The following PDS5B variants were observed in gnomAD, a reference collection of about 807,000 sequenced individuals.
PDS5B encodes PDS5 cohesin associated factor B, also known as sister chromatid cohesion protein PDS5 homolog B.
Under a neutral mutation model 184.1 loss-of-function variants are expected in PDS5B, and 51 were observed. That is an observed-to-expected ratio of 0.28 (90% CI 0.22 to 0.35). PDS5B has a LOEUF of 0.35. PDS5B is among the 10% of genes least tolerant of loss of function. PDS5B has a pLI of 1.00. For synonymous variants in PDS5B, 566 were observed against 569.2 expected, an observed-to-expected ratio of 0.99 and a Z score of 0.08; for missense variants, 1,180 against 1,723.3, an observed-to-expected ratio of 0.68 and a Z score of 5.58.
At chr13:32,768,947 C>CAAAAAAAAAA (rs770324221) in intron 31 of PDS5B, among the ~76,000 whole-genome samples, 1,004 of 84,094 alleles carry the variant, frequency 0.012, no homozygotes, top group Non-Finnish European at 0.016. Flanking sequence ...TAAAAAAATA[C>CAAAAAAAAAA]AAAAAAAAAA....
rs919668288 is a variant in PDS5B at position 32,746,113 on chromosome 13, C to T, written c.2736+13C>T. 3.7e-6 allele frequency: 6 copies of T among 1,604,012 alleles called. No individual in the cohort carries two copies. Among genetic ancestry groups the T allele is most frequent in the Non-Finnish European group, 5.1e-6 (6 of 1,173,698 alleles). On this transcript the variant is annotated intron_variant, in intron 24 of 34. Coordinates refer to ENST00000315596, the MANE Select transcript of PDS5B (RefSeq NM_015032.4). ...ATTAGCTATCAACGTAAGGAAATGG[C>T]TGTGTACAACTACTTTTTGAAGGTC...
chr13:32,742,766 A>C (rs1342568390), intron 23 of PDS5B, 39 bp downstream of exon 23: 1 of 1,574,272 alleles, frequency 6.4e-7, no homozygotes, highest in Non-Finnish European at 8.7e-7. Flanking sequence ...GGATTGCATA[A>C]TATTTCAGCT....
intron 3 of PDS5B, among the ~76,000 whole-genome samples, chr13:32,656,424 G>A (rs1274724485): frequency 6.6e-6 from 1 of 151,656 alleles, no homozygotes; most frequent in African/African-American, 2.4e-5. Flanking sequence ...AATTGCTTTG[G>A]ACAGCATGGC....
At chr13:32,744,426 T>G (rs1431935896) in intron 23 of PDS5B, among the ~76,000 whole-genome samples, 2 of 152,170 alleles carry the variant, frequency 1.3e-5, no homozygotes, top group South Asian at 2.1e-4. Flanking sequence ...CTCTGTCCTT[T>G]CCTTAAGTGG....
At chr13:32,684,996 C>T (rs150617081) in intron 11 of PDS5B, among the ~76,000 whole-genome samples, 2,746 of 152,208 alleles carry the variant, frequency 0.018, 34 homozygotes, top group Non-Finnish European at 0.03. Flanking sequence ...GCCTGTAGTC[C>T]CAGCTACTCG....
At chr13:32,743,523 C>T (rs1286406568) in intron 23 of PDS5B, among the ~76,000 whole-genome samples, 1 of 152,080 alleles carries the variant, frequency 6.6e-6, no homozygotes, top group Non-Finnish European at 1.5e-5. Context: ...TTTGGTGCCC[C>T]TCCTTGGTAA....
chr13:32,607,573 A>G (rs557078488), intron 1 of PDS5B, among the ~76,000 whole-genome samples: 2 of 152,114 alleles, frequency 1.3e-5, no homozygotes, highest in African/African-American at 4.8e-5. Flanking sequence ...GAGAACCACT[A>G]CTCTCTTCAA....
intron 25 of PDS5B, among the ~76,000 whole-genome samples, chr13:32,755,337 T>C (rs1231085270): frequency 6.6e-6 from 1 of 152,168 alleles, no homozygotes; most frequent in East Asian, 1.9e-4. Flanking sequence ...CCCTAGAAAC[T>C]CTTAAGTCTG....
intron 1 of PDS5B, among the ~76,000 whole-genome samples, chr13:32,606,022 A>G (rs553733623): frequency 6.6e-6 from 1 of 151,998 alleles, no homozygotes; most frequent in African/African-American, 2.4e-5. Flanking sequence ...TCTTTATCCA[A>G]TTTGCCAGTC....
At chr13:32,653,463 G>A (rs1481431822) in intron 3 of PDS5B, among the ~76,000 whole-genome samples, 2 of 152,106 alleles carry the variant, frequency 1.3e-5, no homozygotes, top group African/African-American at 4.8e-5. Flanking sequence ...AAAAACCCAG[G>A]CATGGTTCTT....
At chr13:32,736,520 G>C (rs1308719427) in intron 21 of PDS5B, among the ~76,000 whole-genome samples, 2 of 151,910 alleles carry the variant, frequency 1.3e-5, no homozygotes, top group African/African-American at 2.4e-5. Flanking sequence ...CTGTCTGTTT[G>C]CTGTGAATGT....
intron 1 of PDS5B, among the ~76,000 whole-genome samples, chr13:32,595,441 A>C (rs1168714205): frequency 6.6e-6 from 1 of 152,204 alleles, no homozygotes; most frequent in Non-Finnish European, 1.5e-5. Flanking sequence ...CTCCCACAAA[A>C]GTTTATATAT....
At chr13:32,729,656 G>T (rs1014819792) in intron 19 of PDS5B, among the ~76,000 whole-genome samples, 3 of 152,152 alleles carry the variant, frequency 2.0e-5, no homozygotes, top group African/African-American at 7.2e-5. Flanking sequence ...ATGTGAGATG[G>T]TATCTCATTG....
intron 14 of PDS5B, among the ~76,000 whole-genome samples, chr13:32,694,773 A>G (rs1951654601): frequency 6.6e-6 from 1 of 151,564 alleles, no homozygotes; most frequent in East Asian, 1.9e-4. Flanking sequence ...AGTATTTATA[A>G]TGTAATGATG....
intron 19 of PDS5B, among the ~76,000 whole-genome samples, chr13:32,713,692 A>G (rs535315458): frequency 6.6e-6 from 1 of 152,344 alleles, no homozygotes; most frequent in Non-Finnish European, 1.5e-5. Flanking sequence ...GTGAAAAACC[A>G]TAATTGACAT....
At chr13:32,669,312 G>A (rs1950875370) in intron 7 of PDS5B, among the ~76,000 whole-genome samples, 1 of 151,046 alleles carries the variant, frequency 6.6e-6, no homozygotes. Context: ...GGGGAGGGGG[G>A]ACACATCTTA....
At chr13:32,690,752 C>T (rs1951525811) in intron 13 of PDS5B, 1 of 151,908 alleles carries the variant, frequency 6.6e-6, no homozygotes, top group Admixed American at 6.6e-5. Flanking sequence ...AAAATAATGC[C>T]ATTGAAAAGT....
intron 24 of PDS5B, among the ~76,000 whole-genome samples, chr13:32,747,994 G>T (rs1953822432): frequency 6.6e-6 from 1 of 152,134 alleles, no homozygotes; most frequent in Non-Finnish European, 1.5e-5. Flanking sequence ...GTTATACATT[G>T]CCACCTCAAG....
chr13:32,665,403 AAC>A (rs754972469), intron 6 of PDS5B, among the ~76,000 whole-genome samples: 39 of 151,790 alleles, frequency 2.6e-4, no homozygotes, highest in Admixed American at 6.6e-4. Flanking sequence ...CATCCTGGCT[AAC>A]ACAGTGAAAC....
Sources: gnomAD v4.1 joint callset for allele counts (sites outside exome capture counted in the v4.1 genomes callset) on GRCh38, gnomAD v4.1.1 for gene constraint, MANE v1.5 for transcripts, NCBI Gene and HGNC (gene_info 2026-07-23, HGNC 2026-07-21) for gene names.